APBA2: variants seen among roughly 807,000 people sequenced by gnomAD.
APBA2 encodes amyloid beta precursor protein binding family A member 2.
A neutral mutation model predicts 75.0 loss-of-function variants in APBA2; 30 were observed. That is an observed-to-expected ratio of 0.40 (90% CI 0.30 to 0.54). The LOEUF (loss-of-function observed/expected upper bound fraction) is 0.54. Among genes scored for constraint, APBA2 ranks in the 20% least tolerant of loss-of-function variants. The probability of loss-of-function intolerance (pLI) is 0.49; values close to 1 mark genes in which losing one functional copy is unlikely to be tolerated. For synonymous variants in APBA2, 444 were observed against 409.6 expected, an observed-to-expected ratio of 1.08 and a Z score of -1.01; for missense variants, 801 against 1,016.1, an observed-to-expected ratio of 0.79 and a Z score of 2.88.
At chr15:28,890,950 A>C (rs760841066) in intron 1 of APBA2, among the ~76,000 whole-genome samples, 5 of 152,158 alleles carry the variant, frequency 3.3e-5, no homozygotes, top group Non-Finnish European at 5.9e-5. Flanking sequence ...CATAAACTCT[A>C]AGGGGCTGTT....
intron 3 of APBA2, among the ~76,000 whole-genome samples, chr15:29,041,089 C>A (rs1401583762): frequency 6.6e-6 from 1 of 151,592 alleles, no homozygotes; most frequent in Non-Finnish European, 1.5e-5. Context: ...TGGATGAGTT[C>A]AAAAGCAAAT....
At chr15:28,909,091 A>G (rs1225636098) in intron 1 of APBA2, among the ~76,000 whole-genome samples, 1 of 147,746 alleles carries the variant, frequency 6.8e-6, no homozygotes, top group African/African-American at 2.5e-5. Flanking sequence ...GGTTCACGCC[A>G]TTCTCCTACC....
At chr15:28,928,464 G>A (rs1429955383) in intron 2 of APBA2, among the ~76,000 whole-genome samples, 1 of 152,150 alleles carries the variant, frequency 6.6e-6, no homozygotes, top group African/African-American at 2.4e-5. Context: ...TGTTGGTGTA[G>A]TTGTAGGGTG....
intron 2 of APBA2, among the ~76,000 whole-genome samples, chr15:28,948,436 C>T (rs1032373357): frequency 1.3e-5 from 2 of 151,660 alleles, no homozygotes; most frequent in Non-Finnish European, 2.9e-5. Flanking sequence ...AGTCCCCTTT[C>T]GTAGAGATTT....
At chr15:29,056,948 C>T (rs1441886839) in intron 4 of APBA2, among the ~76,000 whole-genome samples, 1 of 151,998 alleles carries the variant, frequency 6.6e-6, no homozygotes, top group African/African-American at 2.4e-5. Context: ...TTTGGTGCTG[C>T]CTTGCTTGAA....
chr15:28,927,548 A>G (rs1054309136), intron 2 of APBA2, among the ~76,000 whole-genome samples: 3 of 151,544 alleles, frequency 2.0e-5, no homozygotes, highest in Non-Finnish European at 4.4e-5. Context: ...CAGTTCTTGG[A>G]TACTTTGTTC....
intron 1 of APBA2, among the ~76,000 whole-genome samples, chr15:28,919,965 C>T (rs1194678434): frequency 6.6e-6 from 1 of 152,160 alleles, no homozygotes; most frequent in Non-Finnish European, 1.5e-5. Context: ...CCCGATGCTC[C>T]CTCCTCACCC....
intron 4 of APBA2, among the ~76,000 whole-genome samples, chr15:29,072,162 G>T (rs2042651689): frequency 6.6e-6 from 1 of 152,204 alleles, no homozygotes; most frequent in Non-Finnish European, 1.5e-5. Flanking sequence ...CAGGAGGGAT[G>T]TTGTTAACCT....
At chr15:28,895,029 GAC>G (rs559482773) in intron 1 of APBA2, among the ~76,000 whole-genome samples, 85 of 152,292 alleles carry the variant, frequency 5.6e-4, no homozygotes, top group African/African-American at 1.9e-3. Context: ...TGCTAGTGAG[GAC>G]GTTTAATTTT....
At chr15:28,958,357 G>A (rs1042336814) in intron 2 of APBA2, among the ~76,000 whole-genome samples, 50 of 152,242 alleles carry the variant, frequency 3.3e-4, no homozygotes, top group African/African-American at 1.1e-3. Flanking sequence ...TGGCGTGGGA[G>A]CTGTTTGTTG....
chr15:28,976,646 A>G (rs2037352950), intron 2 of APBA2, among the ~76,000 whole-genome samples: 1 of 152,224 alleles, frequency 6.6e-6, no homozygotes, highest in South Asian at 2.1e-4. Context: ...CTAATATTAC[A>G]CCAAGTTGAC....
At chr15:28,888,937 G>A (rs1478253628) in intron 1 of APBA2, among the ~76,000 whole-genome samples, 1 of 151,870 alleles carries the variant, frequency 6.6e-6, no homozygotes, top group Non-Finnish European at 1.5e-5. Context: ...TCACCAGGAG[G>A]CAGCCTGTGT....
At chr15:28,944,583 T>C (rs2035435475) in intron 2 of APBA2, among the ~76,000 whole-genome samples, 1 of 152,164 alleles carries the variant, frequency 6.6e-6, no homozygotes, top group Non-Finnish European at 1.5e-5. Context: ...TCCCCTAAGG[T>C]GTGAGTTCCT....
chr15:29,030,181 C>T (rs994119183), intron 3 of APBA2, among the ~76,000 whole-genome samples: 18 of 152,290 alleles, frequency 1.2e-4, no homozygotes, highest in Admixed American at 2.6e-4. Flanking sequence ...GAAACATGAC[C>T]GGGCCCGGTG....
At position 29,081,656 on chromosome 15, in the gene APBA2, A is replaced by G. The variant is rs920847093; in HGVS notation, c.1069+5565A>G. 4.6e-5 allele frequency among the ~76,000 whole-genome samples: 7 copies of G among 152,230 alleles called. No homozygotes were observed. The East Asian group carries it at 1.3e-3, about 29-fold the overall frequency. ...TCCATAGGCCCTTTTCCTTAAATAG[A>G]CATTGCACTGGCCACATGGCTCTGT... is the stretch of plus-strand genomic sequence containing the variant. On this transcript the variant is annotated intron_variant, in intron 6 of 14. Coordinates refer to ENST00000683413, the MANE Select transcript of APBA2 (RefSeq NM_001353788.2).
intron 12 of APBA2, among the ~76,000 whole-genome samples, chr15:29,107,446 C>G (rs548779331): frequency 1.3e-5 from 2 of 152,314 alleles, no homozygotes; most frequent in South Asian, 4.1e-4. Context: ...GGCCTGGCCC[C>G]CAGCCCTCTG....
At chr15:28,925,378 G>C (rs559736273) in intron 2 of APBA2, among the ~76,000 whole-genome samples, 1 of 152,284 alleles carries the variant, frequency 6.6e-6, no homozygotes, top group East Asian at 1.9e-4. Flanking sequence ...GATAATTCCA[G>C]CTTCATAAAG....
chr15:29,061,841 G>GT (rs2042141494), intron 4 of APBA2, among the ~76,000 whole-genome samples: 1 of 152,188 alleles, frequency 6.6e-6, no homozygotes, highest in South Asian at 2.1e-4. Context: ...AGCATATGAA[G>GT]TGAGTGTCAG....
chr15:29,051,064 G>C (rs530794753), intron 3 of APBA2, among the ~76,000 whole-genome samples: 1 of 152,312 alleles, frequency 6.6e-6, no homozygotes, highest in African/African-American at 2.4e-5. Flanking sequence ...GTAGTTACTG[G>C]AGATTGTGTC....
Sources: gnomAD v4.1 joint callset for allele counts (sites outside exome capture counted in the v4.1 genomes callset) on GRCh38, gnomAD v4.1.1 for gene constraint, MANE v1.5 for transcripts, NCBI Gene and HGNC (gene_info 2026-07-23, HGNC 2026-07-21) for gene names.